GAREM1: variants seen among roughly 807,000 people sequenced by gnomAD.
GAREM1 encodes GRB2 associated regulator of MAPK1 subtype 1, also known as GRB2-associated and regulator of MAPK protein 1.
In GAREM1, 26 loss-of-function variants were observed where a neutral mutation model predicts 71.3. The observed-to-expected ratio is 0.36, with a 90% confidence interval of 0.27 to 0.51. The LOEUF is 0.51. Among genes scored for constraint, GAREM1 ranks in the 20% least tolerant of loss-of-function variants. The pLI, the probability that GAREM1 is intolerant of heterozygous loss-of-function variation, is 0.95. For synonymous variants in GAREM1, 440 were observed against 433.2 expected, an observed-to-expected ratio of 1.02 and a Z score of -0.20; for missense variants, 1,026 against 1,103.1, an observed-to-expected ratio of 0.93 and a Z score of 0.99.
At chr18:32,465,131 T>C (rs933954861) in intron 1 of GAREM1, among the ~76,000 whole-genome samples, 3 of 151,392 alleles carry the variant, frequency 2.0e-5, no homozygotes, top group African/African-American at 7.3e-5. Context: ...AAATTATCAT[T>C]CCCCCCACCC....
chr18:32,355,621 C>A (rs1392340048), intron 2 of GAREM1, among the ~76,000 whole-genome samples: 1 of 152,088 alleles, frequency 6.6e-6, no homozygotes, highest in Non-Finnish European at 1.5e-5. Context: ...TTAAAAATTA[C>A]CAATTTCAGT....
At chr18:32,351,829 A>C (rs1277540500) in intron 2 of GAREM1, among the ~76,000 whole-genome samples, 1 of 152,088 alleles carries the variant, frequency 6.6e-6, no homozygotes, top group African/African-American at 2.4e-5. Flanking sequence ...TCAAATTCTC[A>C]GCATATTCTT....
chr18:32,268,162 G>A lies in GAREM1; in HGVS notation c.2340C>T (p.Ser780=), dbSNP rs753810530. Residue 780 remains serine, a synonymous_variant, in exon 6 of 6, where the codon TCC becomes TCT. Transcript: ENST00000269209. ...KKGMQDIFSA[S]YPFSSPLHLQ... is the part of the protein sequence containing the mutation. ...GATGGAGCGGAGATGAGAAAGGGTA[G>A]GAGGCAGAGAAGATGTCCTGCATGC... The A allele has an allele frequency of 9.7e-5, 157 of 1,614,014 alleles. No individual in the cohort carries two copies. Among genetic ancestry groups the A allele is most frequent in the Non-Finnish European group, 1.3e-4 (151 of 1,180,036 alleles).
At chr18:32,288,440 A>G (rs925117056) in intron 3 of GAREM1, among the ~76,000 whole-genome samples, 2 of 152,206 alleles carry the variant, frequency 1.3e-5, no homozygotes, top group African/African-American at 4.8e-5. Flanking sequence ...ATATATGCAG[A>G]GTAATCTATC....
intron 2 of GAREM1, among the ~76,000 whole-genome samples, chr18:32,381,870 G>A (rs1168710362): frequency 6.6e-6 from 1 of 152,154 alleles, no homozygotes; most frequent in Non-Finnish European, 1.5e-5. Flanking sequence ...AATGGTGCCT[G>A]GTACTTTATC....
intron 2 of GAREM1, among the ~76,000 whole-genome samples, chr18:32,337,587 T>A (rs2047609722): frequency 6.6e-6 from 1 of 152,202 alleles, no homozygotes; most frequent in South Asian, 2.1e-4. Flanking sequence ...GCCATTACCT[T>A]TGAGATCTAA....
chr18:32,441,231 AT>A (rs1364531371), intron 1 of GAREM1, among the ~76,000 whole-genome samples: 1 of 152,150 alleles, frequency 6.6e-6, no homozygotes, highest in Non-Finnish European at 1.5e-5. Context: ...GACAATATAT[AT>A]TTTAACTAAG....
At chr18:32,284,749 TTAC>T (rs370828566) in intron 4 of GAREM1, among the ~76,000 whole-genome samples, 43 of 126,692 alleles carry the variant, frequency 3.4e-4, no homozygotes, top group African/African-American at 4.7e-4. Flanking sequence ...GGGTGCCCCC[TTAC>T]TTTTTTTTTT....
chr18:32,287,627 G>A lies in GAREM1; in HGVS notation c.970C>T (p.His324Tyr), dbSNP rs1348845182. Residue 324 changes from histidine to tyrosine, a missense_variant, in exon 4 of 6, where the codon CAT (histidine) becomes TAT (tyrosine). His to Tyr is a moderately conservative substitution (Grantham distance 83, BLOSUM62 2). Transcript: ENST00000269209. The surrounding 1 kb of genome is among the most constrained non-coding windows in gnomAD (Gnocchi z 5.9). The stretch of plus-strand genomic sequence containing the variant: ...TCTTGGCAGATACCTAGCCAGTGAT[G>A]GACCAGGGTTTCGGGCCAGCTCTCT... Reference protein sequence around the residue: ...KGESWPETLVHHWLGICQEQF... With the variant: ...KGESWPETLVYHWLGICQEQF... The A allele has an allele frequency of 6.2e-7, 1 of 1,614,068 alleles. No homozygotes were observed. Among genetic ancestry groups the A allele is most frequent in the African/African-American group, 1.3e-5 (1 of 74,912 alleles).
At chr18:32,372,459 C>T (rs1351102830) in intron 2 of GAREM1, among the ~76,000 whole-genome samples, 2 of 152,162 alleles carry the variant, frequency 1.3e-5, no homozygotes, top group Non-Finnish European at 2.9e-5. Context: ...AAAAATTACC[C>T]ACTTGAAATG....
chr18:32,429,619 T>C (rs1047755184), intron 1 of GAREM1, among the ~76,000 whole-genome samples: 2 of 152,206 alleles, frequency 1.3e-5, no homozygotes, highest in East Asian at 1.9e-4. Context: ...ATTCAAGCTG[T>C]GAAGATATGA....
intron 2 of GAREM1, among the ~76,000 whole-genome samples, chr18:32,326,459 T>C (rs2047476061): frequency 6.6e-6 from 1 of 152,234 alleles, no homozygotes; most frequent in Non-Finnish European, 1.5e-5. Context: ...CCCTACATTG[T>C]AGAGAGCCCC....
At chr18:32,360,300 T>C (rs565147374) in intron 2 of GAREM1, among the ~76,000 whole-genome samples, 5 of 152,288 alleles carry the variant, frequency 3.3e-5, no homozygotes, top group African/African-American at 1.2e-4. Context: ...CTGGTTCCTA[T>C]ATGGTATTTC....
chr18:32,364,938 C>A (rs1302827218), intron 2 of GAREM1, among the ~76,000 whole-genome samples: 1 of 152,086 alleles, frequency 6.6e-6, no homozygotes, highest in Non-Finnish European at 1.5e-5. Context: ...TTTCTCCAGA[C>A]TTCTCGATAT....
At chr18:32,425,705 A>G (rs2048567411) in intron 1 of GAREM1, among the ~76,000 whole-genome samples, 1 of 152,230 alleles carries the variant, frequency 6.6e-6, no homozygotes, top group Non-Finnish European at 1.5e-5. Flanking sequence ...CCAAACAAAG[A>G]TATGTTGAAC....
At chr18:32,362,865 T>C (rs1335991978) in intron 2 of GAREM1, among the ~76,000 whole-genome samples, 1 of 152,246 alleles carries the variant, frequency 6.6e-6, no homozygotes, top group Non-Finnish European at 1.5e-5. Context: ...GTGTACTTCT[T>C]TGCAAAACTG....
chr18:32,329,386 A>G (rs1406517020), intron 2 of GAREM1, among the ~76,000 whole-genome samples: 3 of 151,942 alleles, frequency 2.0e-5, no homozygotes, highest in Admixed American at 2.0e-4. Context: ...GGAGAAAAAA[A>G]AAAAAGGTAT....
intron 1 of GAREM1, among the ~76,000 whole-genome samples, chr18:32,415,829 T>C (rs953275920): frequency 2.0e-5 from 3 of 152,090 alleles, no homozygotes; most frequent in Middle Eastern, 3.4e-3. Flanking sequence ...AGTAAGTCCA[T>C]TGTCACCACT....
At chr18:32,382,001 T>G (rs2048102501) in intron 2 of GAREM1, among the ~76,000 whole-genome samples, 1 of 152,212 alleles carries the variant, frequency 6.6e-6, no homozygotes, top group Non-Finnish European at 1.5e-5. Flanking sequence ...CAATCACCAT[T>G]CCTGGTCAAT....
Sources: gnomAD v4.1 joint callset for allele counts (sites outside exome capture counted in the v4.1 genomes callset) on GRCh38, gnomAD v4.1.1 for gene constraint, Gnocchi (gnomAD v3.1) non-coding constraint, MANE v1.5 for transcripts, NCBI Gene and HGNC (gene_info 2026-07-23, HGNC 2026-07-21) for gene names.